The following ZNF804A variants were observed in gnomAD, a reference collection of about 807,000 sequenced individuals.
ZNF804A encodes zinc finger protein 804A.
A neutral mutation model predicts 16.5 loss-of-function variants in ZNF804A; 2 were observed. The ratio of observed to expected loss-of-function variants is 0.12; its 90% CI spans 0.05 to 0.38. The LOEUF is 0.38. ZNF804A is among the 10% of genes least tolerant of loss of function. The pLI is 0.99. For missense variants in ZNF804A, 1,473 were observed against 1,390.7 expected (o/e 1.06, Z -0.94); for synonymous variants, 534 against 489.6 (o/e 1.09, Z -1.20).
rs369155720 is a variant in ZNF804A at position 184,934,757 on chromosome 2, CTGTT to C, written c.387-1024_387-1021del. ...ATAATGATATACACAAAAAGCAATA[CTGTT>C]TATTTAAATTATTATCCTCAGTATA... On this transcript the variant is annotated intron_variant, in intron 3 of 3. Coordinates refer to ENST00000302277, the MANE Select transcript of ZNF804A (RefSeq NM_194250.2). 4.0e-4 allele frequency among the ~76,000 whole-genome samples: 61 copies of C among 152,160 alleles called. No individual in the cohort carries two copies. In the East Asian group the frequency reaches 9.3e-3, roughly 23 times the overall value.
intron 1 of ZNF804A, among the ~76,000 whole-genome samples, chr2:184,615,891 A>T (rs1239824258): frequency 6.6e-6 from 1 of 152,052 alleles, no homozygotes; most frequent in Non-Finnish European, 1.5e-5. Context: ...ACACACTAAC[A>T]TCATCAGTGA....
intron 1 of ZNF804A, among the ~76,000 whole-genome samples, chr2:184,617,085 T>C (rs1574133214): frequency 6.6e-6 from 1 of 152,180 alleles, no homozygotes; most frequent in South Asian, 2.1e-4. Context: ...TGTTTCATTA[T>C]AAAAAAGAAA....
intron 2 of ZNF804A, among the ~76,000 whole-genome samples, chr2:184,921,914 C>T (rs574450342): frequency 6.6e-6 from 1 of 152,186 alleles, no homozygotes; most frequent in Non-Finnish European, 1.5e-5. Context: ...ACAGTGATCT[C>T]CAGTTCCATC....
intron 1 of ZNF804A, among the ~76,000 whole-genome samples, chr2:184,681,876 C>T (rs1283470070): frequency 6.6e-6 from 1 of 152,258 alleles, no homozygotes. Context: ...CCCTCACAGG[C>T]TCCAAAGTGC....
intron 1 of ZNF804A, among the ~76,000 whole-genome samples, chr2:184,645,626 A>T (rs972754617): frequency 1.3e-5 from 2 of 152,222 alleles, no homozygotes; most frequent in African/African-American, 4.8e-5. Flanking sequence ...AGAATATTTT[A>T]AGCTATGACA....
chr2:184,732,004 T>C (rs528393926), intron 1 of ZNF804A, among the ~76,000 whole-genome samples: 1 of 152,334 alleles, frequency 6.6e-6, no homozygotes, highest in African/African-American at 2.4e-5. Context: ...CTTTGAATTG[T>C]ATTTTTATCC....
intron 1 of ZNF804A, among the ~76,000 whole-genome samples, chr2:184,690,215 A>G (rs1692706974): frequency 6.6e-6 from 1 of 151,834 alleles, no homozygotes; most frequent in African/African-American, 2.4e-5. Flanking sequence ...GTGATATAAT[A>G]AAAATGTTAA....
At chr2:184,645,313 A>G (rs1398590447) in intron 1 of ZNF804A, among the ~76,000 whole-genome samples, 1 of 152,140 alleles carries the variant, frequency 6.6e-6, no homozygotes, top group African/African-American at 2.4e-5. Flanking sequence ...ACTTACTGCC[A>G]TAGTTTTCTA....
At chr2:184,699,494 C>T (rs567912490) in intron 1 of ZNF804A, among the ~76,000 whole-genome samples, 1 of 152,176 alleles carries the variant, frequency 6.6e-6, no homozygotes, top group African/African-American at 2.4e-5. Flanking sequence ...AAAATGCATA[C>T]CTTCATTGTC....
intron 1 of ZNF804A, among the ~76,000 whole-genome samples, chr2:184,804,951 T>G (rs997319108): frequency 2.0e-5 from 3 of 152,218 alleles, no homozygotes; most frequent in Non-Finnish European, 4.4e-5. Flanking sequence ...TAAAATCATA[T>G]TTCTATGTAT....
In ZNF804A at chr2:184,601,938, G is replaced by T. The variant is rs979562161; in HGVS notation, c.111+2868G>T. Reference sequence around the variant, plus strand: ...AAAATCACAGGATTAATTTAAGTTAGCCTGTAACTGTTAATACAGTCTTCT... The same window carrying T: ...AAAATCACAGGATTAATTTAAGTTATCCTGTAACTGTTAATACAGTCTTCT... On this transcript the variant is annotated intron_variant, in intron 1 of 3. Coordinates refer to ENST00000302277, the MANE Select transcript of ZNF804A (RefSeq NM_194250.2). Among the ~76,000 whole-genome samples, 4 of 151,726 alleles carry T rather than the reference G, an allele frequency of 2.6e-5. No individual in the cohort carries two copies. The East Asian group carries it at 7.7e-4, about 29-fold the overall frequency.
At chr2:184,798,219 T>A (rs1694668572) in intron 1 of ZNF804A, among the ~76,000 whole-genome samples, 1 of 152,080 alleles carries the variant, frequency 6.6e-6, no homozygotes, top group African/African-American at 2.4e-5. Context: ...TGTGCCTAGG[T>A]AATGATATTT....
chr2:184,906,687 G>A (rs1278614148), intron 2 of ZNF804A, among the ~76,000 whole-genome samples: 3 of 152,078 alleles, frequency 2.0e-5, no homozygotes, highest in African/African-American at 7.2e-5. Context: ...TACCCCTAAT[G>A]TATACACCTC....
At chr2:184,783,617 G>C (rs1258298989) in intron 1 of ZNF804A, among the ~76,000 whole-genome samples, 1 of 151,754 alleles carries the variant, frequency 6.6e-6, no homozygotes, top group East Asian at 1.9e-4. Context: ...ATGGTTTTCT[G>C]TTTTATCTAT....
At chr2:184,711,062 T>C (rs1043443468) in intron 1 of ZNF804A, among the ~76,000 whole-genome samples, 2 of 151,826 alleles carry the variant, frequency 1.3e-5, no homozygotes, top group Non-Finnish European at 3.0e-5. Context: ...CCATATTTAA[T>C]GTTTTGAGAG....
At chr2:184,710,569 G>A (rs1451021138) in intron 1 of ZNF804A, among the ~76,000 whole-genome samples, 1 of 151,738 alleles carries the variant, frequency 6.6e-6, no homozygotes, top group Non-Finnish European at 1.5e-5. Context: ...GTATAATACA[G>A]TATTGTGAAC....
At chr2:184,663,289 T>C (rs1014882034) in intron 1 of ZNF804A, among the ~76,000 whole-genome samples, 1 of 152,158 alleles carries the variant, frequency 6.6e-6, no homozygotes, top group Non-Finnish European at 1.5e-5. Flanking sequence ...CACTTCGATT[T>C]CAGAGCAAAG....
intron 1 of ZNF804A, among the ~76,000 whole-genome samples, chr2:184,749,290 A>G (rs1693840930): frequency 6.6e-6 from 1 of 151,388 alleles, no homozygotes; most frequent in African/African-American, 2.4e-5. Context: ...GAGATCTTTC[A>G]ACAATTTGGT....
At position 184,937,025 on chromosome 2, in the gene ZNF804A, C is replaced by T. The variant is rs1685802411; in HGVS notation, c.1629C>T (p.Asn543=). 2 of 1,609,836 alleles carry T rather than the reference C, an allele frequency of 1.2e-6. No individual in the cohort carries two copies. Among genetic ancestry groups the T allele is most frequent in the African/African-American group, 1.3e-5 (1 of 74,576 alleles). ...SSSCDSGKNE[N]TGQRYKNISC... ...GTTGTGATTCTGGAAAAAATGAGAA[C>T]ACAGGTCAGAGGTATAAAAACATTT... Residue 543 remains asparagine, a synonymous_variant, in exon 4 of 4, where the codon AAC becomes AAT. Coordinates refer to ENST00000302277, the MANE Select transcript of ZNF804A (RefSeq NM_194250.2).
Sources: gnomAD v4.1 joint callset for allele counts (sites outside exome capture counted in the v4.1 genomes callset) on GRCh38, gnomAD v4.1.1 for gene constraint, MANE v1.5 for transcripts, NCBI Gene and HGNC (gene_info 2026-07-23, HGNC 2026-07-21) for gene names.